Variants in ERCC6 observed in about 807,000 individuals in gnomAD.
ERCC6 encodes ERCC excision repair 6, chromatin remodeling factor.
In ERCC6, 116 loss-of-function variants were observed where a neutral mutation model predicts 158.7. That is an observed-to-expected ratio of 0.73 (90% CI 0.63 to 0.85). ERCC6 has a LOEUF of 0.85. Among genes scored for constraint, ERCC6 ranks in the 40% least tolerant of loss-of-function variants. The probability of loss-of-function intolerance (pLI) is 0.00; values close to 1 mark genes in which losing one functional copy is unlikely to be tolerated. For synonymous variants in ERCC6, 678 were observed against 659.3 expected (o/e 1.03, Z -0.43); for missense variants, 1,698 against 1,799.4 (o/e 0.94, Z 1.02).
intron 5 of ERCC6, chr10:49,506,335 A>C: frequency 6.0e-6 from 2 of 334,410 alleles, no homozygotes; most frequent in Non-Finnish European, 1.1e-5. Context: ...ACATGAAATT[A>C]GTCCTAGAAA....
chr10:49,468,435 C>T (rs145272065), intron 18 of ERCC6, among the ~76,000 whole-genome samples: 256 of 152,294 alleles, frequency 1.7e-3, no homozygotes, highest in African/African-American at 5.8e-3. Context: ...ATTTGTTTCC[C>T]ATCTCTCAAG....
intron 5 of ERCC6, chr10:49,516,784 G>C (rs1278947700): frequency 6.2e-7 from 1 of 1,614,134 alleles, no homozygotes; most frequent in African/African-American, 1.3e-5. Context: ...CATTTGCAAA[G>C]AATTTTTGTC....
the ERCC6 span, among the ~76,000 whole-genome samples, chr10:49,438,892 G>A: frequency 2.1e-4 from 32 of 152,302 alleles, no homozygotes; most frequent in African/African-American, 7.2e-4. Context: ...GCTCCAAAAC[G>A]ATCTCCTTTG....
upstream of ERCC6, chr10:49,539,289 T>C (rs945483117): frequency 1.5e-4 from 23 of 152,262 alleles, no homozygotes; most frequent in African/African-American, 5.3e-4. Flanking sequence ...TAGCGAAAAA[T>C]ACCCTGCTGG....
intron 12 of ERCC6, 71 bp downstream of exon 12, chr10:49,476,144 C>A (rs1223681158): frequency 1.9e-6 from 2 of 1,064,912 alleles, no homozygotes; most frequent in Non-Finnish European, 2.9e-6. Flanking sequence ...CAATGTAGAT[C>A]CTAGTTTCTT....
At chr10:49,536,906 C>CA (rs1290791845) in intron 1 of ERCC6, among the ~76,000 whole-genome samples, 4 of 151,956 alleles carry the variant, frequency 2.6e-5, no homozygotes, top group Non-Finnish European at 2.9e-5. Context: ...AACAAACAAA[C>CA]AAAAAAACAG....
the ERCC6 span, among the ~76,000 whole-genome samples, chr10:49,435,004 T>C: frequency 1.3e-5 from 2 of 152,136 alleles, no homozygotes; most frequent in African/African-American, 4.8e-5. Flanking sequence ...AAAAACATAC[T>C]AGGCAAATAT....
At chr10:49,511,689 T>C (rs747160423) in intron 5 of ERCC6, among the ~76,000 whole-genome samples, 1 of 152,116 alleles carries the variant, frequency 6.6e-6, no homozygotes, top group Non-Finnish European at 1.5e-5. Flanking sequence ...CCTTCCAAAG[T>C]GCTAGGATTG....
At chr10:49,454,066 C>T (rs1252750913), downstream of ERCC6, among the ~76,000 whole-genome samples, 1 of 152,138 alleles carries the variant, frequency 6.6e-6, no homozygotes, top group Non-Finnish European at 1.5e-5. Flanking sequence ...TTCTTGTACT[C>T]CCATTACATG....
At chr10:49,439,571 C>A in the ERCC6 span, among the ~76,000 whole-genome samples, 1 of 152,224 alleles carries the variant, frequency 6.6e-6, no homozygotes, top group Non-Finnish European at 1.5e-5. Flanking sequence ...TTCCCCCATC[C>A]TCTTGGGGAC....
the ERCC6 span, among the ~76,000 whole-genome samples, chr10:49,441,879 C>A: frequency 3.9e-5 from 6 of 152,334 alleles, no homozygotes; most frequent in East Asian, 3.9e-4. Context: ...AAGAACCAGA[C>A]AGGAACAAAA....
At chr10:49,476,137 T>C (rs1282256226) in intron 12 of ERCC6, 78 bp downstream of exon 12, 19 of 1,013,360 alleles carry the variant, frequency 1.9e-5, no homozygotes, top group Admixed American at 3.5e-5. Context: ...CCTGGCACAA[T>C]GTAGATCCTA....
intron 11 of ERCC6, 34 bp from the exon 12 acceptor site, chr10:49,476,344 C>CAA: frequency 1.5e-6 from 2 of 1,335,838 alleles, no homozygotes; most frequent in Admixed American, 1.8e-5. Flanking sequence ...ACTATAATTT[C>CAA]AAAAAAAAAA....
At chr10:49,530,620 C>T (rs190068019) in intron 3 of ERCC6, 100 bp downstream of exon 3, 2 of 1,541,268 alleles carry the variant, frequency 1.3e-6, no homozygotes, top group East Asian at 4.7e-5. Context: ...TAAGTATTTG[C>T]TTCACATCTT....
chr10:49,470,003 A>G (rs1296283110), intron 18 of ERCC6, among the ~76,000 whole-genome samples, 179 bp downstream of exon 18: 1 of 152,222 alleles, frequency 6.6e-6, no homozygotes, highest in African/African-American at 2.4e-5. Flanking sequence ...AGGTCTTCAG[A>G]AAAGAGGTGT....
chr10:49,516,196 T>C (rs1419015505), intron 5 of ERCC6: 3 of 1,614,032 alleles, frequency 1.9e-6, no homozygotes, highest in Non-Finnish European at 2.5e-6. Context: ...AACCAGCAAA[T>C]GTAGCCCAGA....
chr10:49,453,416 TTTAA>T (rs1288945797), downstream of ERCC6, among the ~76,000 whole-genome samples: 8 of 152,188 alleles, frequency 5.3e-5, no homozygotes, highest in African/African-American at 1.7e-4. Flanking sequence ...TCTGCCATCA[TTTAA>T]TTAGTCTACT....
At chr10:49,521,024 C>T (rs1837144967) in intron 5 of ERCC6, among the ~76,000 whole-genome samples, 1 of 152,180 alleles carries the variant, frequency 6.6e-6, no homozygotes, top group Non-Finnish European at 1.5e-5. Context: ...CTCCCAAATG[C>T]CTCAGTCTGA....
At chr10:49,524,803 C>G (rs757516474) in intron 4 of ERCC6, 26 bp from the exon 5 acceptor site, 1 of 1,598,946 alleles carries the variant, frequency 6.3e-7, no homozygotes, top group African/African-American at 1.3e-5. Context: ...CAATGCGTTT[C>G]GCACTAGCAT....
Sources: allele counts gnomAD v4.1 joint callset (sites outside exome capture counted in the v4.1 genomes callset), GRCh38; gene constraint gnomAD v4.1.1; transcripts MANE v1.5; gene names NCBI Gene and HGNC (gene_info 2026-07-23, HGNC 2026-07-21).